The following MAEL variants were observed in gnomAD, a reference collection of about 807,000 sequenced individuals.
MAEL encodes protein maelstrom homolog.
MAEL carries 46 observed loss-of-function variants against 62.0 expected under a neutral mutation model. That is an observed-to-expected ratio of 0.74 (90% confidence interval 0.59 to 0.95). The LOEUF (loss-of-function observed/expected upper bound fraction) is 0.95, where lower values mean the gene tolerates loss of function less well. Among genes scored for constraint, MAEL ranks in the 40% least tolerant of loss-of-function variants. MAEL has a pLI of 0.00. For synonymous variants in MAEL, 172 were observed against 175.5 expected, an observed-to-expected ratio of 0.98 and a Z score of 0.16; for missense variants, 497 against 526.8, an observed-to-expected ratio of 0.94 and a Z score of 0.55.
Position 166,992,817 on chromosome 1 carries a change from G to T in MAEL, c.457G>T (p.Asp153Tyr), listed in dbSNP as rs1664250740. ...TTCTCTCCAAGAAGGTATTATGGCA[G>T]ATTTCCACAGTTTTATAAATCCTGG... is the stretch of plus-strand genomic sequence containing the variant. ...KYSLQEGIMADFHSFINPGEI... is the reference protein window; with the variant it reads ...KYSLQEGIMAYFHSFINPGEI... The change falls in exon 4 of 12, where the codon GAT becomes TAT. Residue 153 changes from aspartate (D) to tyrosine (Y), a missense_variant. Transcript: ENST00000367872. 6.3e-7 allele frequency: 1 copy of T among 1,599,942 alleles called. No individual in the cohort carries two copies. Among genetic ancestry groups the T allele is most frequent in the Non-Finnish European group, 8.5e-7 (1 of 1,175,370 alleles).
chr1:166,989,778 T>C lies in MAEL; in HGVS notation c.174T>C (p.Ala58=). 1 of 1,613,796 alleles carries C rather than the reference T, an allele frequency of 6.2e-7. No individual in the cohort carries two copies. Among genetic ancestry groups the C allele is most frequent in the Non-Finnish European group, 8.5e-7 (1 of 1,179,926 alleles). The part of the protein sequence containing the change: ...EEEKEKYAEM[A]REWRAAQGKD... Reference sequence around the variant, plus strand: ...AAAAGGAGAAATACGCAGAAATGGCTCGAGAATGGAGGGCCGCTCAGGGAA... The same window carrying C: ...AAAAGGAGAAATACGCAGAAATGGCCCGAGAATGGAGGGCCGCTCAGGGAA... The change falls in exon 2 of 12, where the codon GCT becomes GCC. Residue 58 remains alanine, a synonymous_variant. Transcript: ENST00000367872.
At chr1:166,981,401 T>C (rs1046064359) in intron 1 of MAEL, among the ~76,000 whole-genome samples, 4 of 152,182 alleles carry the variant, frequency 2.6e-5, no homozygotes, top group Admixed American at 2.6e-4. Context: ...CTATGCTATC[T>C]AGAAATTAAA....
chr1:166,983,731 G>A (rs1663830568), intron 1 of MAEL, among the ~76,000 whole-genome samples: 1 of 152,158 alleles, frequency 6.6e-6, no homozygotes, highest in Admixed American at 6.5e-5. Context: ...GAGAGGAGCA[G>A]TGGCTCACAC....
intron 1 of MAEL, among the ~76,000 whole-genome samples, chr1:166,979,154 T>C (rs1336153910): frequency 6.6e-6 from 1 of 152,088 alleles, no homozygotes; most frequent in Non-Finnish European, 1.5e-5. Flanking sequence ...TTAACGTGAG[T>C]CTGTTTAAAG....
In MAEL at chr1:166,990,911, G is replaced by T. The variant is rs190519798; in HGVS notation, c.226-467G>T. Among the ~76,000 whole-genome samples the T allele has an allele frequency of 2.1e-4, 32 of 152,280 alleles. No individual in the cohort carries two copies. In the East Asian group the frequency reaches 5.8e-3, roughly 28 times the overall value. ...GATTTATGAGTAGAAGCTCAGTTGA[G>T]CTTGTACTTATACTTGCAAGCCTTA... On this transcript the variant is annotated intron_variant, in intron 2 of 11. Transcript: ENST00000367872.
At position 167,004,163 on chromosome 1, in the gene MAEL, C is replaced by G. The variant is rs1226961612; in HGVS notation, c.524-17C>G. On this transcript the variant is annotated splice_polypyrimidine_tract_variant and intron_variant, in intron 5 of 11. Coordinates refer to ENST00000367872, the MANE Select transcript of MAEL (RefSeq NM_032858.3). ...ATCTTGCTCAAAGTTTGAACTTCTC[C>G]TTTTTATTTCCCTCAGGTGATTCTA... 27 of 1,596,878 alleles carry G rather than the reference C, an allele frequency of 1.7e-5. No homozygotes were observed. Among genetic ancestry groups the G allele is most frequent in the Middle Eastern group, 1.7e-4 (1 of 6,006 alleles).
intron 3 of MAEL, among the ~76,000 whole-genome samples, 164 bp from the exon 4 acceptor site, chr1:166,992,522 T>C (rs1383874275): frequency 1.3e-5 from 2 of 152,178 alleles, no homozygotes; most frequent in African/African-American, 4.8e-5. Context: ...GATTTCTTTA[T>C]TTGGTACGGC....
chr1:167,002,689 A>G (rs1664727772), intron 5 of MAEL, among the ~76,000 whole-genome samples: 1 of 152,182 alleles, frequency 6.6e-6, no homozygotes, highest in South Asian at 2.1e-4. Context: ...GAAAAGGGGG[A>G]AGGATGGACA....
chr1:167,015,982 C>T (rs866040103), intron 8 of MAEL, among the ~76,000 whole-genome samples: 1 of 152,198 alleles, frequency 6.6e-6, no homozygotes, highest in Middle Eastern at 3.4e-3. Flanking sequence ...GCCAGAAGCA[C>T]TCATTTTATT....
At position 166,989,338 on chromosome 1, in the gene MAEL, T is replaced by C. The variant is rs747061131; in HGVS notation, c.-15T>C. Reference sequence around the variant, plus strand: ...CTTTGTTCTGTCTGAGGCCAGGAAGTTTGACCGCGCTGCCATGCCGAACCG... The same window carrying C: ...CTTTGTTCTGTCTGAGGCCAGGAAGCTTGACCGCGCTGCCATGCCGAACCG... On this transcript the variant is annotated 5_prime_UTR_variant, in exon 1 of 12. Coordinates refer to ENST00000367872, the MANE Select transcript of MAEL (RefSeq NM_032858.3). 1 of 1,606,078 alleles carries C rather than the reference T, an allele frequency of 6.2e-7. No homozygotes were observed. The highest frequency in any genetic ancestry group is 1.1e-5 in the South Asian group (1 of 89,306).
At chr1:166,995,690 A>C (rs531864825) in intron 5 of MAEL, among the ~76,000 whole-genome samples, 8 of 147,796 alleles carry the variant, frequency 5.4e-5, no homozygotes, top group African/African-American at 1.7e-4. Context: ...AAAAAAAAAT[A>C]AAAAAAAAAT....
chr1:166,999,000 C>T (rs1664548144), intron 5 of MAEL, among the ~76,000 whole-genome samples: 1 of 152,080 alleles, frequency 6.6e-6, no homozygotes, highest in African/African-American at 2.4e-5. Flanking sequence ...TGTATGTGTT[C>T]TGACTGCTCC....
chr1:166,979,305 G>A (rs1663687965), intron 1 of MAEL, among the ~76,000 whole-genome samples: 1 of 150,898 alleles, frequency 6.6e-6, no homozygotes, highest in Admixed American at 6.6e-5. Context: ...TACCTTTTGG[G>A]TTTGTTATCT....
At chr1:167,020,688 C>T (rs1360446095) in intron 10 of MAEL, among the ~76,000 whole-genome samples, 1 of 152,108 alleles carries the variant, frequency 6.6e-6, no homozygotes, top group Non-Finnish European at 1.5e-5. Flanking sequence ...CTGCTTTACT[C>T]CTATTTTAAT....
chr1:166,975,840 G>A (rs939504137), intron 1 of MAEL, among the ~76,000 whole-genome samples: 1 of 152,112 alleles, frequency 6.6e-6, no homozygotes, highest in Non-Finnish European at 1.5e-5. Context: ...CTGGGGACTC[G>A]AGCAGGGGAG....
upstream of MAEL, among the ~76,000 whole-genome samples, chr1:166,985,758 C>T (rs1053619306): frequency 6.6e-6 from 1 of 152,000 alleles, no homozygotes; most frequent in African/African-American, 2.4e-5. Context: ...TTACAATGAC[C>T]AGCATCCAAT....
intron 9 of MAEL, 104 bp downstream of exon 9, chr1:167,016,388 A>T (rs546730762): frequency 5.9e-6 from 6 of 1,019,482 alleles, no homozygotes; most frequent in African/African-American, 1.6e-5. Context: ...CTCTGTTTCC[A>T]CAATGCTCTT....
At chr1:167,000,814 C>A (rs1664628698) in intron 5 of MAEL, among the ~76,000 whole-genome samples, 1 of 152,182 alleles carries the variant, frequency 6.6e-6, no homozygotes, top group Non-Finnish European at 1.5e-5. Flanking sequence ...TAAACTAGTA[C>A]AACCACTATG....
At chr1:166,991,343 G>C in intron 2 of MAEL, 35 bp from the exon 3 acceptor site, 2 of 1,364,630 alleles carry the variant, frequency 1.5e-6, no homozygotes, top group Non-Finnish European at 2.1e-6. Context: ...TGCCCAGCAA[G>C]AGTTTATGTG....
Sources: allele counts gnomAD v4.1 joint callset (sites outside exome capture counted in the v4.1 genomes callset), GRCh38; gene constraint gnomAD v4.1.1; transcripts MANE v1.5; gene names NCBI Gene and HGNC (gene_info 2026-07-23, HGNC 2026-07-21).